DYNC2I1: variants seen among roughly 807,000 people sequenced by gnomAD.
The protein encoded by DYNC2I1 is dynein 2 intermediate chain 1, also known as cytoplasmic dynein 2 intermediate chain 1.
A neutral mutation model predicts 133.4 loss-of-function variants in DYNC2I1; 89 were observed. That is an observed-to-expected ratio of 0.67 (90% CI 0.56 to 0.80). DYNC2I1 has a LOEUF of 0.80. DYNC2I1 is among the 30% of genes least tolerant of loss of function. The pLI is 0.00. For missense variants in DYNC2I1, 1,291 were observed against 1,314.5 expected, an observed-to-expected ratio of 0.98 and a Z score of 0.28; for synonymous variants, 504 against 484.3, an observed-to-expected ratio of 1.04 and a Z score of -0.54.
chr7:158,924,452 C>T (rs544602089), intron 17 of DYNC2I1, among the ~76,000 whole-genome samples: 4 of 152,216 alleles, frequency 2.6e-5, no homozygotes, highest in Admixed American at 6.5e-5. Context: ...AGATATGTTG[C>T]GTGTCTGTCT....
At chr7:158,854,516 T>C (rs1381334672), upstream of DYNC2I1, among the ~76,000 whole-genome samples, 2 of 151,572 alleles carry the variant, frequency 1.3e-5, no homozygotes, top group African/African-American at 2.4e-5. Flanking sequence ...GGCTGGGGGA[T>C]AGCATTAGGA....
rs748649580 is a variant in DYNC2I1, at chr7:158,926,275, G to A, written c.2346G>A (p.Val782=). ...STSVHKKQSF[V]LSPFSTQEEM... is the part of the protein sequence containing the mutation. ...CCGTCCACAAAAAGCAGAGCTTTGT[G>A]CTTTCACCCTTTTCTACTCAAGAAG... Residue 782 remains valine (V), a synonymous_variant, in exon 18 of 25, where the codon GTG becomes GTA. Transcript: ENST00000407559. 14 of 1,612,736 alleles carry A rather than the reference G, an allele frequency of 8.7e-6. No homozygotes were observed. The highest frequency in any genetic ancestry group is 1.3e-5 in the African/African-American group (1 of 74,938).
chr7:158,940,333 T>G (rs752847581), intron 23 of DYNC2I1, among the ~76,000 whole-genome samples: 7 of 152,114 alleles, frequency 4.6e-5, no homozygotes, highest in African/African-American at 1.2e-4. Context: ...TCTGTGAGAA[T>G]CTAGTGCTGC....
At chr7:158,857,737 C>G (rs1384587816) in intron 1 of DYNC2I1, among the ~76,000 whole-genome samples, 1 of 150,234 alleles carries the variant, frequency 6.7e-6, no homozygotes, top group South Asian at 2.1e-4. Context: ...GAGGTTTCAC[C>G]GTGTTGGCCA....
intron 11 of DYNC2I1, among the ~76,000 whole-genome samples, chr7:158,910,504 T>TGA (rs1847315314): frequency 8.9e-6 from 1 of 112,042 alleles, no homozygotes; most frequent in African/African-American, 3.5e-5. Flanking sequence ...GGCCTGTGGG[T>TGA]GGAGGGCCAT....
rs866101866 is a variant in DYNC2I1, at chr7:158,916,486, G to A, written c.1791+2165G>A. 2.9e-4 allele frequency among the ~76,000 whole-genome samples: 18 copies of A among 63,136 alleles called. 3 individuals carry two copies. Among genetic ancestry groups the A allele is most frequent in the African/African-American group, 8.2e-4 (15 of 18,224 alleles). The allele number at this position is 63,136 out of a possible 152,430, so 41.4% of individuals were successfully genotyped here. On this transcript the variant is annotated intron_variant, in intron 14 of 24. Transcript: ENST00000407559. ...TAGGATGATTGTGAAACGTCTACAT[G>A]CTGGTTGACATTAAGGATGATTGTG...
chr7:158,844,997 C>A, the DYNC2I1 span, among the ~76,000 whole-genome samples: 1 of 151,964 alleles, frequency 6.6e-6, no homozygotes, highest in Non-Finnish European at 1.5e-5. Context: ...TTCTAGGGCC[C>A]CCCAACCATC....
intron 21 of DYNC2I1, among the ~76,000 whole-genome samples, chr7:158,933,521 G>A (rs1281991847): frequency 2.0e-5 from 3 of 152,224 alleles, no homozygotes; most frequent in African/African-American, 7.2e-5. Context: ...AATTCAGAAA[G>A]CCGCACCACA....
chr7:158,893,900 T>G (rs1845487712), intron 8 of DYNC2I1, among the ~76,000 whole-genome samples: 1 of 152,024 alleles, frequency 6.6e-6, no homozygotes, highest in African/African-American at 2.4e-5. Flanking sequence ...TCACACTACA[T>G]ATCATACCGC....
the DYNC2I1 span, among the ~76,000 whole-genome samples, chr7:158,843,074 A>G: frequency 1.3e-5 from 2 of 152,230 alleles, no homozygotes; most frequent in Non-Finnish European, 2.9e-5. Context: ...CCTCCGCTCC[A>G]CCTTGCTGAA....
rs142611309 is a variant in DYNC2I1 at position 158,910,863 on chromosome 7, C to A, written c.1461-687C>A. Among the ~76,000 whole-genome samples, 135 of 149,172 alleles carry A rather than the reference C, an allele frequency of 9.0e-4. 2 individuals carry two copies. In the East Asian group the frequency reaches 0.021, roughly 23 times the overall value. On this transcript the variant is annotated intron_variant, in intron 11 of 24. Coordinates refer to ENST00000407559, the MANE Select transcript of DYNC2I1 (RefSeq NM_018051.5). ...CTGTGTCAGGCCTGTGGGCGGAGGG[C>A]GATTGGCTGTGTCAGGCCTGTGAGC...
In DYNC2I1 at chr7:158,905,854, A is replaced by C. The variant is rs538269386; in HGVS notation, c.1358-135A>C. 123 of 661,664 alleles carry C rather than the reference A, an allele frequency of 1.9e-4. No homozygotes were observed. In the African/African-American group the frequency reaches 2.0e-3, roughly 11 times the overall value. The allele number at this position is 661,664 out of a possible 1,614,324, so 41.0% of individuals were successfully genotyped here. On this transcript the variant is annotated intron_variant, in intron 10 of 24. Transcript: ENST00000407559. ...GAGAGGTCTCTCAAATGCTTATGAA[A>C]GATGTTTGTCATTAGTTGAAGGGTT...
rs189746597 is a variant in DYNC2I1, at chr7:158,885,393, G to C, written c.935+774G>C. Reference sequence around the variant, plus strand: ...GTCTCACTTTGTTGCCGAGCCTGGAGTGCAGTGGCGCAATCTCGGCTCACT... The same window carrying C: ...GTCTCACTTTGTTGCCGAGCCTGGACTGCAGTGGCGCAATCTCGGCTCACT... On this transcript the variant is annotated intron_variant, in intron 6 of 24. Transcript: ENST00000407559. Among the ~76,000 whole-genome samples, 455 of 151,204 alleles carry C rather than the reference G, an allele frequency of 3.0e-3. 2 individuals are homozygous for C. The highest frequency in any genetic ancestry group is 5.3e-3 in the Admixed American group (80 of 15,188).
intron 5 of DYNC2I1, among the ~76,000 whole-genome samples, chr7:158,881,598 CAT>C (rs1334720707): frequency 7.2e-5 from 11 of 152,256 alleles, no homozygotes; most frequent in African/African-American, 2.4e-4. Context: ...GGACTACAGG[CAT>C]GTGCCACCAC....
intron 23 of DYNC2I1, among the ~76,000 whole-genome samples, chr7:158,935,422 GAC>G (rs1164755028): frequency 2.0e-5 from 3 of 152,206 alleles, no homozygotes; most frequent in Non-Finnish European, 2.9e-5. Context: ...AGAATTATAT[GAC>G]AGTCAAGGCA....
At chr7:158,936,638 C>T (rs1375969775) in intron 23 of DYNC2I1, among the ~76,000 whole-genome samples, 1 of 152,252 alleles carries the variant, frequency 6.6e-6, no homozygotes, top group East Asian at 1.9e-4. Context: ...GGCAGGACTA[C>T]TGTCTGCAGC....
At chr7:158,865,084 G>A (rs1048264541) in intron 1 of DYNC2I1, among the ~76,000 whole-genome samples, 2 of 152,234 alleles carry the variant, frequency 1.3e-5, no homozygotes, top group African/African-American at 4.8e-5. Context: ...CACTCGTAGT[G>A]GGGGTCGGAC....
intron 23 of DYNC2I1, among the ~76,000 whole-genome samples, chr7:158,941,182 A>T (rs1851323408): frequency 1.3e-5 from 2 of 152,236 alleles, no homozygotes; most frequent in African/African-American, 4.8e-5. Context: ...ATCATTAGAG[A>T]CTATTATGAA....
At chr7:158,884,473 A>G (rs1019965433) in intron 5 of DYNC2I1, 91 bp from the exon 6 acceptor site, 7 of 1,220,676 alleles carry the variant, frequency 5.7e-6, no homozygotes, top group Non-Finnish European at 8.0e-6. Context: ...TAAATTTTGA[A>G]TCTGTGCTTG....
Sources: gnomAD v4.1 joint callset for allele counts (sites outside exome capture counted in the v4.1 genomes callset) on GRCh38, gnomAD v4.1.1 for gene constraint, MANE v1.5 for transcripts, NCBI Gene and HGNC (gene_info 2026-07-23, HGNC 2026-07-21) for gene names.